ZMAT4: variants seen among roughly 807,000 people sequenced by gnomAD.
The protein encoded by ZMAT4 is zinc finger matrin-type 4.
A neutral mutation model predicts 28.7 loss-of-function variants in ZMAT4; 17 were observed. The ratio of observed to expected loss-of-function variants is 0.59; its 90% CI spans 0.41 to 0.89. ZMAT4 has a LOEUF of 0.89. Ranked by LOEUF, ZMAT4 falls within the 40% of genes least tolerant of loss-of-function variation. The probability of loss-of-function intolerance (pLI) is 0.00; values close to 1 mark genes in which losing one functional copy is unlikely to be tolerated. For synonymous variants in ZMAT4, 117 were observed against 109.2 expected (o/e 1.07, Z -0.44); for missense variants, 240 against 283.8 (o/e 0.85, Z 1.11).
At chr8:40,680,701 TACACACACACACAC>T (rs71224844) in intron 4 of ZMAT4, among the ~76,000 whole-genome samples, 2 of 86,834 alleles carry the variant, frequency 2.3e-5, no homozygotes, top group Admixed American at 2.4e-4. Context: ...ATGTCTAATG[TACACACACACACAC>T]ACACACACAC....
At chr8:40,801,899 A>C (rs1327296541) in intron 2 of ZMAT4, among the ~76,000 whole-genome samples, 2 of 152,188 alleles carry the variant, frequency 1.3e-5, no homozygotes, top group Non-Finnish European at 2.9e-5. Context: ...GTGAGATTTG[A>C]AGTATGCTAG....
At chr8:40,879,526 T>C (rs1040514956) in intron 1 of ZMAT4, among the ~76,000 whole-genome samples, 2 of 152,220 alleles carry the variant, frequency 1.3e-5, no homozygotes, top group Non-Finnish European at 2.9e-5. Flanking sequence ...CAAAGCCTTC[T>C]GATGGGCTTC....
At chr8:40,700,987 A>C (rs577047456) in intron 3 of ZMAT4, among the ~76,000 whole-genome samples, 1 of 152,152 alleles carries the variant, frequency 6.6e-6, no homozygotes, top group Non-Finnish European at 1.5e-5. Context: ...CAGAGGGTTC[A>C]TTTGTGGGAT....
At chr8:40,830,552 T>A (rs1366524492) in intron 1 of ZMAT4, among the ~76,000 whole-genome samples, 2 of 152,246 alleles carry the variant, frequency 1.3e-5, no homozygotes, top group Non-Finnish European at 2.9e-5. Context: ...GGTATATATG[T>A]ACCAGATTTT....
At chr8:40,896,459 G>A (rs1181151710) in intron 1 of ZMAT4, among the ~76,000 whole-genome samples, 1 of 152,212 alleles carries the variant, frequency 6.6e-6, no homozygotes, top group Non-Finnish European at 1.5e-5. Context: ...GGTAGGCAGC[G>A]CAACTGGTGA....
At chr8:40,631,437 C>T (rs766424697) in intron 5 of ZMAT4, among the ~76,000 whole-genome samples, 37 of 152,294 alleles carry the variant, frequency 2.4e-4, no homozygotes, top group Non-Finnish European at 4.4e-4. Context: ...GGATTACAAA[C>T]GTGAGCCACC....
intron 2 of ZMAT4, among the ~76,000 whole-genome samples, chr8:40,769,082 G>T (rs1423050609): frequency 6.6e-6 from 1 of 152,152 alleles, no homozygotes; most frequent in Admixed American, 6.5e-5. Flanking sequence ...CAAGCTTCTA[G>T]ACAATCCCTG....
chr8:40,653,715 GA>G (rs1807788935), intron 5 of ZMAT4, among the ~76,000 whole-genome samples: 1 of 152,010 alleles, frequency 6.6e-6, no homozygotes, highest in Non-Finnish European at 1.5e-5. Flanking sequence ...ACTGACTCAG[GA>G]AAAAATAGAA....
At chr8:40,596,249 CTG>C (rs1327057175) in intron 5 of ZMAT4, among the ~76,000 whole-genome samples, 2 of 152,198 alleles carry the variant, frequency 1.3e-5, no homozygotes, top group African/African-American at 4.8e-5. Context: ...TAGAACATAA[CTG>C]TACACTACTG....
chr8:40,766,340 T>A (rs566053292), intron 3 of ZMAT4, among the ~76,000 whole-genome samples: 1 of 152,260 alleles, frequency 6.6e-6, no homozygotes, highest in Admixed American at 6.5e-5. Context: ...AGTGCCTGCA[T>A]GTGATGCTTG....
intron 3 of ZMAT4, among the ~76,000 whole-genome samples, chr8:40,757,832 G>T (rs1812759253): frequency 6.6e-6 from 1 of 152,084 alleles, no homozygotes; most frequent in African/African-American, 2.4e-5. Context: ...CAGTGGACTG[G>T]GAGAGGCAGA....
At chr8:40,822,393 T>C (rs1815862340) in intron 2 of ZMAT4, among the ~76,000 whole-genome samples, 1 of 152,110 alleles carries the variant, frequency 6.6e-6, no homozygotes, top group Non-Finnish European at 1.5e-5. Context: ...AAAAATGAAA[T>C]CATACTAAAA....
intron 6 of ZMAT4, among the ~76,000 whole-genome samples, chr8:40,555,508 A>G (rs1803505659): frequency 6.6e-6 from 1 of 152,216 alleles, no homozygotes; most frequent in South Asian, 2.1e-4. Flanking sequence ...GATTTGTGAT[A>G]ATGATCTTCA....
At chr8:40,701,793 C>T (rs1255330015) in intron 3 of ZMAT4, among the ~76,000 whole-genome samples, 2 of 152,086 alleles carry the variant, frequency 1.3e-5, no homozygotes, top group Non-Finnish European at 1.5e-5. Flanking sequence ...GCTGGGATTA[C>T]AGGCATCAGC....
At chr8:40,567,731 A>C (rs372955661) in intron 6 of ZMAT4, among the ~76,000 whole-genome samples, 48 of 151,816 alleles carry the variant, frequency 3.2e-4, no homozygotes, top group Non-Finnish European at 4.1e-4. Flanking sequence ...ACAAAAAAAA[A>C]CCCCAAAACT....
intron 3 of ZMAT4, among the ~76,000 whole-genome samples, chr8:40,735,202 T>G (rs955544007): frequency 2.6e-5 from 4 of 152,220 alleles, no homozygotes; most frequent in South Asian, 2.1e-4. Context: ...GAATCTTTGG[T>G]GGTAATACAT....
chr8:40,877,981 T>TA (rs2150660398), intron 1 of ZMAT4, among the ~76,000 whole-genome samples: 1 of 152,328 alleles, frequency 6.6e-6, no homozygotes, highest in East Asian at 1.9e-4. Flanking sequence ...TTACATTTGC[T>TA]AAACCAAACC....
chr8:40,585,380 C>CA (rs1371283024), intron 5 of ZMAT4, among the ~76,000 whole-genome samples: 1 of 152,028 alleles, frequency 6.6e-6, no homozygotes. Flanking sequence ...ATGCATCCTC[C>CA]AGTGATCATG....
Position 40,640,166 on chromosome 8 carries a change from T to G in ZMAT4, c.577+34538A>C, listed in dbSNP as rs532782762. Among the ~76,000 whole-genome samples the G allele has an allele frequency of 5.3e-5, 8 of 152,180 alleles. No homozygotes were observed. The East Asian group carries it at 1.6e-3, about 30-fold the overall frequency. On this transcript the variant is annotated intron_variant, in intron 5 of 6. Transcript: ENST00000297737. ...TAAGTTTTCTTGTTTTTTGTAGAGA[T>G]GAAGTCTCCCTAAGCTGTCCAGGCT...
Sources: gnomAD v4.1 joint callset for allele counts (sites outside exome capture counted in the v4.1 genomes callset) on GRCh38, gnomAD v4.1.1 for gene constraint, MANE v1.5 for transcripts, NCBI Gene and HGNC (gene_info 2026-07-23, HGNC 2026-07-21) for gene names.